The following NOTCH2 variants were observed in gnomAD, a reference collection of about 807,000 sequenced individuals.
The protein encoded by NOTCH2 is notch receptor 2.
Under a neutral mutation model 235.8 loss-of-function variants are expected in NOTCH2, and 29 were observed. That is an observed-to-expected ratio of 0.12 (90% CI 0.09 to 0.17). NOTCH2 has a LOEUF of 0.17. NOTCH2 is among the 10% of genes least tolerant of loss of function. The pLI is 1.00. For missense variants in NOTCH2, 2,285 were observed against 3,150.2 expected, an observed-to-expected ratio of 0.73 and a Z score of 6.57; for synonymous variants, 1,086 against 1,141.5, an observed-to-expected ratio of 0.95 and a Z score of 0.98.
rs1398938563 is a variant in NOTCH2, at chr1:119,911,641, C to A, written c.*3665G>T. 2 of 232,404 alleles carry A rather than the reference C, an allele frequency of 8.6e-6. No individual in the cohort carries two copies. The highest frequency in any genetic ancestry group is 2.2e-5 in the African/African-American group (1 of 45,260). The allele number at this position is 232,404 out of a possible 1,614,324, so 14.4% of individuals were successfully genotyped here. On this transcript the variant is annotated 3_prime_UTR_variant, in exon 34 of 34. Transcript: ENST00000256646. ...TATACACAAAATATTATTTTATAAT[C>A]CTGTATATTAAGTTCTACACAAATT...
At chr1:119,956,674 G>A (rs587683940) in intron 12 of NOTCH2, among the ~76,000 whole-genome samples, 38 of 152,228 alleles carry the variant, frequency 2.5e-4, no homozygotes, top group African/African-American at 8.7e-4. Context: ...AGTTAGCCTC[G>A]GCCCGTAATA....
intron 12 of NOTCH2, among the ~76,000 whole-genome samples, chr1:119,958,730 G>C (rs1650808739): frequency 6.6e-6 from 1 of 151,862 alleles, no homozygotes; most frequent in African/African-American, 2.4e-5. Flanking sequence ...GTGTGTGTGT[G>C]TGTGTGTGTG....
chr1:120,067,263 G>C (rs1553217258), intron 1 of NOTCH2, among the ~76,000 whole-genome samples: 1 of 144,152 alleles, frequency 6.9e-6, no homozygotes. Context: ...CTCTTCTACT[G>C]CATTAGTTTA....
At position 119,987,012 on chromosome 1, in the gene NOTCH2, A is replaced by C. The variant is rs782642000; in HGVS notation, c.822T>G (p.Val274=). The C allele has an allele frequency of 1.2e-5, 19 of 1,613,672 alleles. No homozygotes were observed. The East Asian group carries it at 3.8e-4, about 32-fold the overall frequency. Residue 274 remains valine (V), a synonymous_variant, in exon 5 of 34, where the codon GTT becomes GTG. Coordinates refer to ENST00000256646, the MANE Select transcript of NOTCH2 (RefSeq NM_024408.4). Reference sequence around the variant, plus strand: ...TGTAAGTGTTGACCCCATCCACACAAACCCCTCCATTCTGACACCTGTGGT... The same window carrying C: ...TGTAAGTGTTGACCCCATCCACACACACCCCTCCATTCTGACACCTGTGGT... ...CPNHRCQNGG[V]CVDGVNTYNC...
At chr1:119,967,939 TA>T in intron 7 of NOTCH2, 137 bp downstream of exon 7, 1 of 951,320 alleles carries the variant, frequency 1.1e-6, no homozygotes, top group Non-Finnish European at 1.7e-6. Flanking sequence ...AGGTCACTTG[TA>T]AACACTGGCC....
chr1:120,036,965 G>A (rs587699136), intron 1 of NOTCH2, among the ~76,000 whole-genome samples: 58 of 152,272 alleles, frequency 3.8e-4, no homozygotes, highest in African/African-American at 1.3e-3. Flanking sequence ...TCTCTAACAT[G>A]AGTAATTAAG....
At position 119,937,892 on chromosome 1, in the gene NOTCH2, G is replaced by A. The variant is rs1553195968; in HGVS notation, c.3302C>T (p.Pro1101Leu). 1.9e-6 allele frequency: 3 copies of A among 1,614,132 alleles called. No individual in the cohort carries two copies. Among genetic ancestry groups the A allele is most frequent in the Middle Eastern group, 1.6e-4 (1 of 6,062 alleles). The change falls in exon 20 of 34, where the codon CCC (proline) becomes CTC (leucine). Residue 1101 changes from proline to leucine, a missense_variant. Coordinates refer to ENST00000256646, the MANE Select transcript of NOTCH2 (RefSeq NM_024408.4). ...GGCTGCTATGTCACAAGAGACATTG[G>A]GCACGTCACAATAGGCACCAGCCCA... ...SGWAGAYCDV[P>L]NVSCDIAASR...
rs7533978 is a variant in NOTCH2, at chr1:119,969,680, G to A, written c.939C>T (p.Gly313=). 4.8e-3 allele frequency: 7,715 copies of A among 1,614,062 alleles called. 323 individuals carry two copies. In the African/African-American group the frequency reaches 0.089, roughly 19 times the overall value. Residue 313 remains glycine (G), a synonymous_variant, in exon 6 of 34, where the codon GGC becomes GGT. Coordinates refer to ENST00000256646, the MANE Select transcript of NOTCH2 (RefSeq NM_024408.4). The part of the protein sequence containing the change: ...LLQPNACQNG[G]TCANRNGGYG... ...AGCCTCCATTGCGGTTGGCACAGGT[G>A]CCCCCATTTTGACAGGCATTGGGCT...
At chr1:119,975,836 A>T (rs1553200884) in intron 5 of NOTCH2, among the ~76,000 whole-genome samples, 2 of 152,204 alleles carry the variant, frequency 1.3e-5, no homozygotes, top group Admixed American at 6.5e-5. Flanking sequence ...CAAACAGCTC[A>T]TTATGGCTCT....
At chr1:119,957,032 T>C (rs181979380) in intron 12 of NOTCH2, among the ~76,000 whole-genome samples, 29 of 152,374 alleles carry the variant, frequency 1.9e-4, no homozygotes, top group Admixed American at 1.5e-3. Flanking sequence ...GAAAACATGG[T>C]ATAGTCCACA....
intron 22 of NOTCH2, among the ~76,000 whole-genome samples, chr1:119,932,113 T>A (rs587673816): frequency 3.3e-5 from 5 of 151,720 alleles, no homozygotes; most frequent in Non-Finnish European, 7.4e-5. Context: ...TATGCTGATA[T>A]ACTGCAATCA....
At chr1:120,029,377 G>A (rs2101327728) in intron 2 of NOTCH2, among the ~76,000 whole-genome samples, 1 of 152,010 alleles carries the variant, frequency 6.6e-6, no homozygotes, top group East Asian at 1.9e-4. Flanking sequence ...TTGAGATGGA[G>A]TCTTGCTCTG....
At chr1:119,941,790 T>A (rs1553196510) in intron 17 of NOTCH2, 36 bp from the exon 18 acceptor site, 1 of 1,447,090 alleles carries the variant, frequency 6.9e-7, no homozygotes, top group Non-Finnish European at 9.7e-7. Context: ...CTCTGAAGAG[T>A]AGCATCAGTT....
At chr1:119,938,079 T>C (rs1445955170) in intron 19 of NOTCH2, 69 bp from the exon 20 acceptor site, 10 of 1,546,378 alleles carry the variant, frequency 6.5e-6, no homozygotes, top group South Asian at 1.1e-5. Flanking sequence ...GAAGTTATAT[T>C]GTGTTACAAG....
chr1:119,923,709 T>C lies in NOTCH2; in HGVS notation c.4787A>G (p.Lys1596Arg), dbSNP rs766562559. 6.2e-7 allele frequency: 1 copy of C among 1,614,212 alleles called. No individual in the cohort carries two copies. Among genetic ancestry groups the C allele is most frequent in the South Asian group, 1.1e-5 (1 of 91,080 alleles). ...ELMVYPYYGEKSAAMKKQRMT... is the reference protein window; with the variant it reads ...ELMVYPYYGERSAAMKKQRMT... ...CCTCTGTTTCTTCATAGCAGCTGACTTCTCACCATAATAGGGGTACACCAT... is the reference window on the plus strand; with the variant it reads ...CCTCTGTTTCTTCATAGCAGCTGACCTCTCACCATAATAGGGGTACACCAT... Residue 1596 changes from lysine to arginine, a missense_variant, in exon 26 of 34, where the codon AAG becomes AGG. Physicochemically the swap from Lys to Arg is conservative, Grantham distance 26. Around this residue, in one of 6 missense-constraint regions of NOTCH2, gnomAD observed 1,173 missense variants for 1,515.3 expected, o/e 0.77. Transcript: ENST00000256646.
chr1:119,949,263 T>C, intron 15 of NOTCH2, 137 bp from the exon 16 acceptor site: 1 of 874,578 alleles, frequency 1.1e-6, no homozygotes, highest in Admixed American at 2.0e-5. Flanking sequence ...CCCATGATCT[T>C]TCCAGCATTG....
chr1:119,921,599 C>T, intron 29 of NOTCH2, 114 bp downstream of exon 29: 1 of 864,322 alleles, frequency 1.2e-6, no homozygotes, highest in Non-Finnish European at 2.0e-6. Context: ...CTGGGTAAGA[C>T]ATCAAGACTA....
chr1:119,925,282 T>C, intron 25 of NOTCH2, 23 bp downstream of exon 25: 1 of 1,612,872 alleles, frequency 6.2e-7, no homozygotes, highest in South Asian at 1.1e-5. Flanking sequence ...CCCCTTCAGT[T>C]CTGGAAAACG....
chr1:119,944,877 G>T lies in NOTCH2; in HGVS notation c.2753-3123C>A, dbSNP rs184181243. Among the ~76,000 whole-genome samples, 167 of 152,168 alleles carry T rather than the reference G, an allele frequency of 1.1e-3. 1 individual carries two copies. The highest frequency in any genetic ancestry group is 1.3e-3 in the Non-Finnish European group (85 of 67,990). On this transcript the variant is annotated intron_variant, in intron 17 of 33. Coordinates refer to ENST00000256646, the MANE Select transcript of NOTCH2 (RefSeq NM_024408.4). ...CAAAGACTACACAAAATATTCAAGG[G>T]ATTTTTTCAGACAGAAGGAAAATGA...
Sources: gnomAD v4.1 joint callset for allele counts (sites outside exome capture counted in the v4.1 genomes callset) on GRCh38, gnomAD v4.1.1 for gene constraint, gnomAD v4.1.1 regional missense constraint, MANE v1.5 for transcripts, NCBI Gene and HGNC (gene_info 2026-07-23, HGNC 2026-07-21) for gene names.